Variants in MAP3K1 observed in about 807,000 individuals in gnomAD.
The protein encoded by MAP3K1 is mitogen-activated protein kinase kinase kinase 1.
Under a neutral mutation model 144.2 loss-of-function variants are expected in MAP3K1, and 36 were observed. The ratio of observed to expected loss-of-function variants is 0.25; its 90% confidence interval spans 0.19 to 0.33. The LOEUF is 0.33. Ranked by LOEUF, MAP3K1 falls within the 10% of genes least tolerant of loss-of-function variation. The probability of loss-of-function intolerance (pLI) is 1.00; values close to 1 mark genes in which losing one functional copy is unlikely to be tolerated. For missense variants in MAP3K1, 1,650 were observed against 1,881.9 expected (o/e 0.88, Z 2.28); for synonymous variants, 718 against 688.7 (o/e 1.04, Z -0.67).
chr5:56,861,590 A>AGGGGGG (rs149128894), intron 3 of MAP3K1, among the ~76,000 whole-genome samples: 1 of 134,584 alleles, frequency 7.4e-6, no homozygotes, highest in Non-Finnish European at 1.5e-5. Context: ...AAAAAAAAAA[A>AGGGGGG]GGGGCTATTA....
chr5:56,894,757 C>A lies in MAP3K1; in HGVS notation c.*1077C>A. ...CCATGCATCATCTCTTTACAGTAGG[C>A]CTGGCAGATCATTTTTTAAAAAGAT... On this transcript the variant is annotated 3_prime_UTR_variant, in exon 20 of 20. Transcript: ENST00000399503. The A allele has an allele frequency of 4.3e-6, 1 of 232,166 alleles. No individual in the cohort carries two copies. Among genetic ancestry groups the A allele is most frequent in the African/African-American group, 2.2e-5 (1 of 45,402 alleles). 14.4% of individuals were successfully genotyped at this position (232,166 alleles called of 1,614,324 possible). A position where few individuals can be genotyped will look rare whatever the true frequency, so the allele number is the denominator to read the frequency against.
At chr5:56,832,473 A>AT in intron 1 of MAP3K1, among the ~76,000 whole-genome samples, 1 of 152,316 alleles carries the variant, frequency 6.6e-6, no homozygotes. Context: ...AAATTGTCTC[A>AT]TTTAAGTCTT....
At chr5:56,888,429 G>A in intron 19 of MAP3K1, 72 bp downstream of exon 19, 1 of 1,332,708 alleles carries the variant, frequency 7.5e-7, no homozygotes, top group Non-Finnish European at 1.1e-6. Context: ...GGCAAATTTT[G>A]ATGGGTTCTC....
chr5:56,875,127 C>G lies in MAP3K1; in HGVS notation c.1782C>G (p.Ala594=), dbSNP rs746154320. 17 of 1,614,138 alleles carry G rather than the reference C, an allele frequency of 1.1e-5. No homozygotes were observed. The South Asian group carries it at 1.9e-4, about 18-fold the overall frequency. ...GTCTTTCCCATGATGTCAGTGGGGCCCTGCTGTTGGCAAATGGGGAGAGCA... is the reference window on the plus strand; with the variant it reads ...GTCTTTCCCATGATGTCAGTGGGGCGCTGCTGTTGGCAAATGGGGAGAGCA... ...LRRLSHDVSG[A]LLLANGESTG... is the part of the protein sequence containing the mutation. Residue 594 remains alanine, a synonymous_variant, in exon 10 of 20, where the codon GCC becomes GCG. Transcript: ENST00000399503.
At chr5:56,853,371 CTT>C in intron 1 of MAP3K1, among the ~76,000 whole-genome samples, 1 of 151,954 alleles carries the variant, frequency 6.6e-6, no homozygotes, top group Admixed American at 6.6e-5. Flanking sequence ...CAAATTTAGT[CTT>C]AATTAAATAC....
At chr5:56,877,032 C>T (rs929002950) in intron 10 of MAP3K1, among the ~76,000 whole-genome samples, 1 of 152,166 alleles carries the variant, frequency 6.6e-6, no homozygotes, top group Admixed American at 6.5e-5. Context: ...TGAAAGGCTT[C>T]TAGGATCCTT....
chr5:56,880,638 A>T, intron 11 of MAP3K1, 73 bp from the exon 12 acceptor site: 1 of 974,272 alleles, frequency 1.0e-6, no homozygotes, highest in Non-Finnish European at 1.7e-6. Flanking sequence ...ACAAGGCATT[A>T]CATTACTCCT....
chr5:56,851,469 T>G (rs1426526218), intron 1 of MAP3K1, among the ~76,000 whole-genome samples: 1 of 152,222 alleles, frequency 6.6e-6, no homozygotes, highest in Non-Finnish European at 1.5e-5. Flanking sequence ...TAAAAGTGGC[T>G]GTCATCATCT....
chr5:56,883,863 T>C (rs1363332750), intron 15 of MAP3K1, among the ~76,000 whole-genome samples, 184 bp downstream of exon 15: 1 of 152,178 alleles, frequency 6.6e-6, no homozygotes, highest in Admixed American at 6.5e-5. Flanking sequence ...TTGTTAAAAG[T>C]TGAGGCCACG....
chr5:56,888,256 T>C lies in MAP3K1; in HGVS notation c.4288T>C (p.Cys1430Arg). The change falls in exon 19 of 20, where the codon TGT (cysteine) becomes CGT (arginine). Residue 1430 changes from cysteine to arginine, a missense_variant. Cys to Arg is a radical substitution (Grantham distance 180). Around this residue, in one of 6 missense-constraint regions of MAP3K1, gnomAD observed 165 missense variants for 322.9 expected, o/e 0.51. Coordinates refer to ENST00000399503, the MANE Select transcript of MAP3K1 (RefSeq NM_005921.2). ...VLRGQQYGRS[C>R]DVWSVGCAII... ...AAGAGGTCAACAGTATGGAAGGAGC[T>C]GTGATGTATGGAGTGTTGGCTGTGC... is the stretch of plus-strand genomic sequence containing the variant. 6.2e-7 allele frequency: 1 copy of C among 1,613,844 alleles called. No homozygotes were observed. Among genetic ancestry groups the C allele is most frequent in the Non-Finnish European group, 8.5e-7 (1 of 1,179,722 alleles).
intron 1 of MAP3K1, among the ~76,000 whole-genome samples, chr5:56,833,308 C>G (rs190499973): frequency 1.1e-4 from 17 of 152,324 alleles, no homozygotes; most frequent in South Asian, 8.3e-4. Flanking sequence ...TTTGTTAATA[C>G]ATACATTTTT....
intron 10 of MAP3K1, among the ~76,000 whole-genome samples, chr5:56,876,475 G>A (rs774243429): frequency 1.3e-4 from 20 of 152,258 alleles, no homozygotes; most frequent in Non-Finnish European, 2.5e-4. Flanking sequence ...TTCTTGACAG[G>A]TAATACAGCA....
At chr5:56,840,962 G>A (rs1242570224) in intron 1 of MAP3K1, among the ~76,000 whole-genome samples, 6 of 149,342 alleles carry the variant, frequency 4.0e-5, no homozygotes, top group South Asian at 2.1e-4. Flanking sequence ...TGTAACCTCC[G>A]CTTCCCGAGT....
intron 1 of MAP3K1, among the ~76,000 whole-genome samples, chr5:56,854,850 A>G (rs944109672): frequency 1.3e-5 from 2 of 152,240 alleles, no homozygotes; most frequent in African/African-American, 4.8e-5. Context: ...TGGTATAAAA[A>G]TGCACTGCAG....
At chr5:56,877,308 G>A (rs550977385) in intron 10 of MAP3K1, among the ~76,000 whole-genome samples, 22 of 152,060 alleles carry the variant, frequency 1.4e-4, no homozygotes, top group African/African-American at 3.6e-4. Context: ...TGTACACACC[G>A]TAACTGCCTT....
At chr5:56,881,339 A>G in intron 13 of MAP3K1, 67 bp downstream of exon 13, 1 of 1,371,790 alleles carries the variant, frequency 7.3e-7, no homozygotes, top group Non-Finnish European at 1.0e-6. Flanking sequence ...CTCAAGAATG[A>G]CACATTTTAG....
chr5:56,844,341 G>A (rs575786813), intron 1 of MAP3K1, among the ~76,000 whole-genome samples: 5 of 151,664 alleles, frequency 3.3e-5, no homozygotes, highest in East Asian at 1.9e-4. Flanking sequence ...CACCATGCCC[G>A]GCTATTTTTT....
chr5:56,841,057 T>G (rs1392818413), intron 1 of MAP3K1, among the ~76,000 whole-genome samples: 3 of 152,106 alleles, frequency 2.0e-5, no homozygotes, highest in African/African-American at 7.2e-5. Context: ...TGTGTGTGTT[T>G]AGTAGAGATG....
intron 2 of MAP3K1, among the ~76,000 whole-genome samples, chr5:56,859,065 TA>T (rs34494768): frequency 0.56 from 70,519 of 125,468 alleles, 19,292 homozygotes; most frequent in African/African-American, 0.59. Flanking sequence ...AAGCCTTAAT[TA>T]AAAAAAAAAA....
Sources: gnomAD v4.1 joint callset for allele counts (sites outside exome capture counted in the v4.1 genomes callset) on GRCh38, gnomAD v4.1.1 for gene constraint, gnomAD v4.1.1 regional missense constraint, MANE v1.5 for transcripts, NCBI Gene and HGNC (gene_info 2026-07-23, HGNC 2026-07-21) for gene names.